The following NEURL3 variants were observed in gnomAD, a reference collection of about 807,000 sequenced individuals.
NEURL3 encodes neuralized E3 ubiquitin protein ligase 3.
Under a neutral mutation model 17.6 loss-of-function variants are expected in NEURL3, and 19 were observed. The ratio of observed to expected loss-of-function variants is 1.08; its 90% CI spans 0.75 to 1.58. NEURL3 has a LOEUF of 1.58. NEURL3 is among the 40% of genes most tolerant of loss of function. The probability of loss-of-function intolerance (pLI) is 0.00; values close to 1 mark genes in which losing one functional copy is unlikely to be tolerated. For synonymous variants in NEURL3, 180 were observed against 161.4 expected (o/e 1.11, Z -0.87); for missense variants, 342 against 379.6 (o/e 0.90, Z 0.82).
chr2:96,502,775 G>A (rs530815744), intron 1 of NEURL3, among the ~76,000 whole-genome samples: 3 of 152,228 alleles, frequency 2.0e-5, no homozygotes, highest in East Asian at 1.9e-4. Context: ...GCCGGCATCC[G>A]AGCCCTCTCT....
At chr2:96,502,550 C>T (rs760593338) in intron 1 of NEURL3, among the ~76,000 whole-genome samples, 135 of 152,230 alleles carry the variant, frequency 8.9e-4, no homozygotes, top group Non-Finnish European at 1.1e-3. Flanking sequence ...TGTCTGGAGT[C>T]TTGTTCACTG....
upstream of NEURL3, among the ~76,000 whole-genome samples, chr2:96,506,444 TC>T (rs2065561382): frequency 6.6e-6 from 1 of 152,144 alleles, no homozygotes; most frequent in Admixed American, 6.5e-5. Flanking sequence ...CCTCAAGCAG[TC>T]CCCCCATCTT....
At position 96,500,549 on chromosome 2, in the gene NEURL3, G is replaced by A. The variant is rs2065493290; in HGVS notation, c.404C>T (p.Ala135Val). 6.4e-7 allele frequency: 1 copy of A among 1,565,982 alleles called. No individual in the cohort carries two copies. The highest frequency in any genetic ancestry group is 8.6e-7 in the Non-Finnish European group (1 of 1,164,772). ...FWVDRRGCLF[A>V]KVNAGCRLLL... ...GAGCCGGCAGCCGGCGTTGACCTTG[G>A]CGAAGAGGCAGCCGCGGCGGTCCAC... The change falls in exon 2 of 4, where the codon GCC becomes GTC. Residue 135 changes from alanine (A) to valine (V), a missense_variant. Ala to Val is a moderately conservative substitution (Grantham distance 64). Coordinates refer to ENST00000451794, the MANE Select transcript of NEURL3 (RefSeq NM_001285485.2).
chr2:96,500,313 A>T, intron 2 of NEURL3, 126 bp downstream of exon 2: 1 of 1,399,672 alleles, frequency 7.1e-7, no homozygotes, highest in Admixed American at 2.0e-5. Context: ...TTCACAGCTA[A>T]CACTGGGCAG....
At chr2:96,504,268 C>T (rs1286278099) in intron 1 of NEURL3, among the ~76,000 whole-genome samples, 1 of 19,604 alleles carries the variant, frequency 5.1e-5, no homozygotes, top group Non-Finnish European at 9.2e-5. Context: ...TCTTTTTCTC[C>T]TCATCCCGCC....
At chr2:96,499,501 C>G (rs930122949) in intron 2 of NEURL3, 52 bp from the exon 3 acceptor site, 15 of 1,522,190 alleles carry the variant, frequency 9.9e-6, no homozygotes, top group African/African-American at 8.2e-5. Context: ...AGGTGCCCCC[C>G]CATCCCCGCC....
rs749352940 is a variant in NEURL3, at chr2:96,498,435, C to A, written c.598G>T (p.Glu200Ter). ...TGATAGAAGCAGATGGCACACTCCTCTCCTGGTGTGGCTGGAAGAGGGAGC... is the reference window on the plus strand; with the variant it reads ...TGATAGAAGCAGATGGCACACTCCTATCCTGGTGTGGCTGGAAGAGGGAGC... ...AVPEPKATPG[E>*]ECAICFYHAA... The change falls in exon 4 of 4, where the codon GAG (glutamate) becomes TAG (stop). Residue 200 changes from glutamate (E) to a stop codon, truncating the protein, a stop_gained. Coordinates refer to ENST00000451794, the MANE Select transcript of NEURL3 (RefSeq NM_001285485.2). LOFTEE classifies it low-confidence loss of function (END_TRUNC). The surrounding 1 kb of genome is among the most constrained non-coding windows in gnomAD (Gnocchi z 4.4). The A allele has an allele frequency of 1.3e-6, 2 of 1,596,056 alleles. No homozygotes were observed. Among genetic ancestry groups the A allele is most frequent in the Non-Finnish European group, 1.7e-6 (2 of 1,177,044 alleles).
intron 1 of NEURL3, chr2:96,504,715 A>C (rs2065544467): frequency 6.6e-6 from 1 of 152,460 alleles, no homozygotes; most frequent in Admixed American, 6.5e-5. Context: ...CTGTACTAAA[A>C]ATACAAAACA....
At chr2:96,501,800 C>A (rs994583670) in intron 1 of NEURL3, among the ~76,000 whole-genome samples, 1 of 152,168 alleles carries the variant, frequency 6.6e-6, no homozygotes, top group African/African-American at 2.4e-5. Flanking sequence ...CCCCTCCCCT[C>A]CTGGTCCTGC....
chr2:96,499,387 C>T lies in NEURL3; in HGVS notation c.577G>A (p.Glu193Lys), dbSNP rs2065474428. Residue 193 changes from glutamate (E) to lysine (K), a missense_variant, in exon 3 of 4, where the codon GAG (glutamate) becomes AAG (lysine). Transcript: ENST00000451794. ...PWDLSNKAVP[E>K]PKATPGEECA... ...TTGGGAAGGCACTCACCTTTGGGCT[C>T]AGGCACAGCCTTGTTGCTGAGGTCC... 1.5e-5 allele frequency: 24 copies of T among 1,599,368 alleles called. No homozygotes were observed. Among genetic ancestry groups the T allele is most frequent in the Non-Finnish European group, 1.9e-5 (23 of 1,179,776 alleles).
chr2:96,505,466 T>G, upstream of NEURL3: 1 of 640,568 alleles, frequency 1.6e-6, no homozygotes, highest in Non-Finnish European at 2.7e-6. Context: ...GATTTCCCAG[T>G]GATTTCTCCT....
intron 1 of NEURL3, among the ~76,000 whole-genome samples, chr2:96,501,734 C>T (rs1257051942): frequency 6.6e-6 from 1 of 152,176 alleles, no homozygotes; most frequent in Non-Finnish European, 1.5e-5. Context: ...CCTCTCCACT[C>T]AGCCTGCAGG....
Position 96,498,879 on chromosome 2 carries a change from G to A in NEURL3, c.587-433C>T, listed in dbSNP as rs986444516. On this transcript the variant is annotated intron_variant, in intron 3 of 3. Transcript: ENST00000451794. This position sits in a 1 kb window ranked among gnomAD's most constrained non-coding sequence, Gnocchi z 4.4. The stretch of plus-strand genomic sequence containing the variant: ...TGCAGCCTCAGCCAGCTGGGCTCAA[G>A]CCATCCTTCCACCTCAGCCTCCCGA... Among the ~76,000 whole-genome samples the A allele has an allele frequency of 1.2e-4, 19 of 152,148 alleles. No individual in the cohort carries two copies. Among genetic ancestry groups the A allele is most frequent in the Admixed American group, 6.5e-4 (10 of 15,280 alleles).
intron 3 of NEURL3, among the ~76,000 whole-genome samples, chr2:96,499,022 C>T (rs2065471401): frequency 6.6e-6 from 1 of 152,192 alleles, no homozygotes; most frequent in South Asian, 2.1e-4. Context: ...AAGCGATCCT[C>T]CTGCCTCGGC....
At position 96,504,877 on chromosome 2, in the gene NEURL3, C is replaced by CAAAAAAAAAAAAAAA. The variant is rs1157285400; in HGVS notation, c.28+367_28+381dup. Among the ~76,000 whole-genome samples the CAAAAAAAAAAAAAAA allele has an allele frequency of 4.6e-3, 254 of 55,280 alleles. 17 individuals are homozygous for CAAAAAAAAAAAAAAA. Among genetic ancestry groups the CAAAAAAAAAAAAAAA allele is most frequent in the African/African-American group, 0.012 (184 of 15,848 alleles). 36.3% of individuals were successfully genotyped at this position (55,280 alleles called of 152,430 possible). On this transcript the variant is annotated intron_variant, in intron 1 of 3. Coordinates refer to ENST00000451794, the MANE Select transcript of NEURL3 (RefSeq NM_001285485.2). ...TGGGCAACAGAGCGAGACTCCGTCTCAAAAAAAAAAAAAAAAAAAAAAAGA... is the reference window on the plus strand; with the variant it reads ...TGGGCAACAGAGCGAGACTCCGTCTCAAAAAAAAAAAAAAAAAAAAAAAAAAAAAAAAAAAAAAGA...
intron 1 of NEURL3, among the ~76,000 whole-genome samples, chr2:96,502,083 A>T (rs1490560447): frequency 6.6e-6 from 1 of 152,158 alleles, no homozygotes; most frequent in African/African-American, 2.4e-5. Flanking sequence ...GGCCAAAGGT[A>T]AGCCTACCTG....
intron 1 of NEURL3, among the ~76,000 whole-genome samples, chr2:96,501,209 TTTTG>T (rs1403687653): frequency 1.3e-5 from 2 of 152,274 alleles, no homozygotes; most frequent in Admixed American, 6.5e-5. Context: ...TACACGGTTT[TTTTG>T]TTTGTTTTGT....
upstream of NEURL3, among the ~76,000 whole-genome samples, chr2:96,506,850 G>T (rs1431513770): frequency 6.6e-6 from 1 of 152,224 alleles, no homozygotes; most frequent in African/African-American, 2.4e-5. Flanking sequence ...AGGCTGGGGT[G>T]GTATAGTTGC....
Position 96,498,337 on chromosome 2 carries a change from G to A in NEURL3, c.696C>T (p.Ser232=), listed in dbSNP as rs761659954. 10 of 1,598,616 alleles carry A rather than the reference G, an allele frequency of 6.3e-6. 1 individual carries two copies. The Admixed American group carries it at 6.7e-5, about 11-fold the overall frequency. Residue 232 remains serine (S), a synonymous_variant, in exon 4 of 4, where the codon AGC becomes AGT. Transcript: ENST00000451794. This position sits in a 1 kb window ranked among gnomAD's most constrained non-coding sequence, Gnocchi z 4.4. ...GGCACACAGGGCACTTGGCCGTATC[G>A]CTGAAGACCCGCCAGGCACAGTATC... ...FCRYCAWRVF[S]DTAKCPVCRW... is the part of the protein sequence containing the mutation.
Sources: allele counts gnomAD v4.1 joint callset (sites outside exome capture counted in the v4.1 genomes callset), GRCh38; gene constraint gnomAD v4.1.1; non-coding constraint Gnocchi (gnomAD v3.1); transcripts MANE v1.5; gene names NCBI Gene and HGNC (gene_info 2026-07-23, HGNC 2026-07-21).